PRMT7: variants seen among roughly 807,000 people sequenced by gnomAD.
The protein encoded by PRMT7 is protein arginine methyltransferase 7.
In PRMT7, 75 loss-of-function variants were observed where a neutral mutation model predicts 85.4. The observed-to-expected ratio is 0.88, with a 90% CI of 0.73 to 1.06. The LOEUF is 1.06. PRMT7 is among the 50% of genes least tolerant of loss of function. PRMT7 has a pLI of 0.00. For missense variants in PRMT7, 868 were observed against 915.2 expected, an observed-to-expected ratio of 0.95 and a Z score of 0.67; for synonymous variants, 397 against 359.5, an observed-to-expected ratio of 1.10 and a Z score of -1.18.
At chr16:68,342,861 G>A (rs548688393) in intron 9 of PRMT7, among the ~76,000 whole-genome samples, 28 of 152,260 alleles carry the variant, frequency 1.8e-4, no homozygotes, top group Admixed American at 1.0e-3. Flanking sequence ...GATTGGCACC[G>A]CGTCACATTC....
In PRMT7 at chr16:68,358,410, A is replaced by G. The variant is rs1332133112; in HGVS notation, c.*1186A>G. The stretch of plus-strand genomic sequence containing the variant: ...GGAAAAAGAACACCTCTCTTCGCAA[A>G]ATATTTTATCAGGTGTAAAGACTTG... On this transcript the variant is annotated 3_prime_UTR_variant, in exon 19 of 19. Transcript: ENST00000441236. 6.5e-6 allele frequency: 1 copy of G among 152,720 alleles called. No homozygotes were observed. The highest frequency in any genetic ancestry group is 1.5e-5 in the Non-Finnish European group (1 of 68,048). The allele number at this position is 152,720 out of a possible 1,614,324, so 9.5% of individuals were successfully genotyped here. A position where few individuals can be genotyped will look rare whatever the true frequency, so the allele number is the denominator to read the frequency against.
At chr16:68,320,557 C>T (rs2082369706) in intron 3 of PRMT7, among the ~76,000 whole-genome samples, 1 of 152,190 alleles carries the variant, frequency 6.6e-6, no homozygotes, top group African/African-American at 2.4e-5. Context: ...CGAAAGCCGC[C>T]CTGGGTGGGC....
intron 6 of PRMT7, among the ~76,000 whole-genome samples, chr16:68,331,102 A>T (rs1350417737): frequency 6.6e-6 from 1 of 152,172 alleles, no homozygotes; most frequent in Non-Finnish European, 1.5e-5. Flanking sequence ...AACCCTTTCT[A>T]TCAGTCCCCC....
chr16:68,312,205 T>TTATATA (rs61533636), intron 2 of PRMT7, 29 bp downstream of exon 2: 15 of 130,646 alleles, frequency 1.1e-4, no homozygotes, highest in African/African-American at 2.0e-4. Context: ...ATATGTATAT[T>TTATATA]TATATATATA....
chr16:68,347,541 T>A, intron 12 of PRMT7, 90 bp from the exon 13 acceptor site: 1 of 1,401,296 alleles, frequency 7.1e-7, no homozygotes, highest in South Asian at 1.2e-5. Flanking sequence ...GTGTGTCCTC[T>A]GTCTTAGGAT....
At chr16:68,356,309 T>C (rs1205966865) in intron 17 of PRMT7, among the ~76,000 whole-genome samples, 1 of 152,220 alleles carries the variant, frequency 6.6e-6, no homozygotes, top group Non-Finnish European at 1.5e-5. Context: ...TGACTTCTCC[T>C]GGAAGCACCT....
intron 5 of PRMT7, among the ~76,000 whole-genome samples, chr16:68,327,896 A>C (rs1156498662): frequency 6.7e-6 from 1 of 149,302 alleles, no homozygotes; most frequent in Non-Finnish European, 1.5e-5. Flanking sequence ...ATGCCACTGG[A>C]CTCCAGCCTG....
chr16:68,337,464 G>T lies in PRMT7; in HGVS notation c.397G>T (p.Asp133Tyr), dbSNP rs1411877929. 1 of 1,606,328 alleles carries T rather than the reference G, an allele frequency of 6.2e-7. No individual in the cohort carries two copies. Among genetic ancestry groups the T allele is most frequent in the Non-Finnish European group, 8.5e-7 (1 of 1,177,012 alleles). Residue 133 changes from aspartate to tyrosine, a missense_variant, in exon 7 of 19, where the codon GAC becomes TAC. Coordinates refer to ENST00000441236, the MANE Select transcript of PRMT7 (RefSeq NM_019023.5). ...TGTTTTCTTGTGTTTTTCAGAGGGT[G>T]ACATGCCATGCCGTGCCAACATCCT... ...STEVTVGPEG[D>Y]MPCRANILVT...
chr16:68,355,518 G>T (rs1482630825), intron 16 of PRMT7: 4 of 464,508 alleles, frequency 8.6e-6, no homozygotes, highest in Non-Finnish European at 1.5e-5. Flanking sequence ...GGAGAGCGAG[G>T]CTCAGAGCCA....
chr16:68,322,816 G>T (rs28570171), intron 4 of PRMT7, among the ~76,000 whole-genome samples: 1 of 151,792 alleles, frequency 6.6e-6, no homozygotes, highest in Non-Finnish European at 1.5e-5. Context: ...GCAGATCACG[G>T]GGTCAGGAGA....
intron 3 of PRMT7, among the ~76,000 whole-genome samples, chr16:68,319,805 C>T (rs924972369): frequency 1.3e-5 from 2 of 150,664 alleles, no homozygotes; most frequent in African/African-American, 4.9e-5. Context: ...GGCTGGAGGG[C>T]CTCTGTTTTA....
At chr16:68,343,038 C>T (rs2085770331) in intron 9 of PRMT7, among the ~76,000 whole-genome samples, 1 of 152,082 alleles carries the variant, frequency 6.6e-6, no homozygotes, top group African/African-American at 2.4e-5. Flanking sequence ...AACCCTGTCT[C>T]TACTAAAAAT....
chr16:68,346,140 C>G lies in PRMT7; in HGVS notation c.1056-5C>G. On this transcript the variant is annotated splice_polypyrimidine_tract_variant and splice_region_variant and intron_variant, in intron 10 of 18. Transcript: ENST00000441236. Reference sequence around the variant, plus strand: ...CCACGTCTGTTTGTTCATCTCCTGGCCTAGCCCTGAAAAGAATGAGAGAGT... The same window carrying G: ...CCACGTCTGTTTGTTCATCTCCTGGGCTAGCCCTGAAAAGAATGAGAGAGT... 1 of 1,613,366 alleles carries G rather than the reference C, an allele frequency of 6.2e-7. No individual in the cohort carries two copies. Among genetic ancestry groups the G allele is most frequent in the Non-Finnish European group, 8.5e-7 (1 of 1,180,030 alleles).
In PRMT7 at chr16:68,357,459, A is replaced by AC. The variant is rs1175578850; in HGVS notation, c.*241dup. On this transcript the variant is annotated 3_prime_UTR_variant, in exon 19 of 19. Coordinates refer to ENST00000441236, the MANE Select transcript of PRMT7 (RefSeq NM_019023.5). The stretch of plus-strand genomic sequence containing the variant: ...TTGGAGCCCTGGAGGGGCTGGGAAG[A>AC]CCCCCCTGCTTGTGCTTCTGAGGTG... The AC allele has an allele frequency of 2.3e-5, 11 of 485,070 alleles. No homozygotes were observed. The highest frequency in any genetic ancestry group is 1.4e-4 in the East Asian group (4 of 29,122). The allele number at this position is 485,070 out of a possible 1,614,324, so 30.0% of individuals were successfully genotyped here. A position where few individuals can be genotyped will look rare whatever the true frequency, so the allele number is the denominator to read the frequency against.
At chr16:68,319,210 A>C (rs1479537945) in intron 3 of PRMT7, among the ~76,000 whole-genome samples, 1 of 152,174 alleles carries the variant, frequency 6.6e-6, no homozygotes, top group Non-Finnish European at 1.5e-5. Flanking sequence ...TAGTTGTTGG[A>C]ACTGAAACTG....
intron 11 of PRMT7, 21 bp from the exon 12 acceptor site, chr16:68,347,178 AAGCCCTGTGCTG>A: frequency 6.5e-7 from 1 of 1,543,628 alleles, no homozygotes; most frequent in East Asian, 2.5e-5. Context: ...AAACTGGAGG[AAGCCCTGTGCTG>A]AGCTTGCCTG....
In PRMT7 at chr16:68,348,451, T is replaced by C. The variant is rs1464424446; in HGVS notation, c.1413+20T>C. On this transcript the variant is annotated intron_variant, in intron 14 of 18. Coordinates refer to ENST00000441236, the MANE Select transcript of PRMT7 (RefSeq NM_019023.5). Reference sequence around the variant, plus strand: ...AGAAAGGTGAGTAGCGGGAGCCTTTTGGCCACGCTGGGCTGTGTTAGGGTG... The same window carrying C: ...AGAAAGGTGAGTAGCGGGAGCCTTTCGGCCACGCTGGGCTGTGTTAGGGTG... The C allele has an allele frequency of 7.0e-6, 11 of 1,576,632 alleles. No homozygotes were observed. Among genetic ancestry groups the C allele is most frequent in the Non-Finnish European group, 9.6e-6 (11 of 1,146,300 alleles).
At chr16:68,348,074 C>A (rs937129148) in intron 13 of PRMT7, among the ~76,000 whole-genome samples, 1 of 152,180 alleles carries the variant, frequency 6.6e-6, no homozygotes, top group Non-Finnish European at 1.5e-5. Flanking sequence ...GAACTCCCTT[C>A]ACCAGAACTG....
At chr16:68,323,422 G>T (rs2082738815) in intron 4 of PRMT7, among the ~76,000 whole-genome samples, 1 of 151,970 alleles carries the variant, frequency 6.6e-6, no homozygotes, top group Admixed American at 6.6e-5. Context: ...GTTTCACCAT[G>T]TTGGCCAGGT....
Sources: allele counts gnomAD v4.1 joint callset (sites outside exome capture counted in the v4.1 genomes callset), GRCh38; gene constraint gnomAD v4.1.1; transcripts MANE v1.5; gene names NCBI Gene and HGNC (gene_info 2026-07-23, HGNC 2026-07-21).